The following CNOT10 variants were observed in gnomAD, a reference collection of about 807,000 sequenced individuals.
CNOT10 encodes the protein CCR4-NOT transcription complex, subunit 10.
A neutral mutation model predicts 94.6 loss-of-function variants in CNOT10; 30 were observed. The ratio of observed to expected loss-of-function variants is 0.32; its 90% confidence interval spans 0.24 to 0.43. The LOEUF (loss-of-function observed/expected upper bound fraction) is 0.43, where lower values mean the gene tolerates loss of function less well. Among genes scored for constraint, CNOT10 ranks in the 20% least tolerant of loss-of-function variants. The probability of loss-of-function intolerance (pLI) is 1.00; values close to 1 mark genes in which losing one functional copy is unlikely to be tolerated. For synonymous variants in CNOT10, 289 were observed against 301.6 expected (o/e 0.96, Z 0.43); for missense variants, 759 against 877.2 (o/e 0.87, Z 1.70).
intron 13 of CNOT10, among the ~76,000 whole-genome samples, chr3:32,745,956 C>A (rs1010621876): frequency 6.6e-6 from 1 of 152,210 alleles, no homozygotes; most frequent in Non-Finnish European, 1.5e-5. Flanking sequence ...TGCACCAATG[C>A]ACTCCAACCT....
At chr3:32,760,559 G>A (rs1575305127) in intron 14 of CNOT10, among the ~76,000 whole-genome samples, 1 of 152,140 alleles carries the variant, frequency 6.6e-6, no homozygotes, top group South Asian at 2.1e-4. Context: ...TTGAGCCTGG[G>A]GGGCGGACGT....
At chr3:32,762,120 G>T (rs1005904473) in intron 14 of CNOT10, among the ~76,000 whole-genome samples, 1 of 146,748 alleles carries the variant, frequency 6.8e-6, no homozygotes, top group East Asian at 2.1e-4. Context: ...TGTTGTTCTT[G>T]TGTAGAAAGT....
chr3:32,692,992 C>T (rs915266592), intron 1 of CNOT10, among the ~76,000 whole-genome samples: 3 of 152,066 alleles, frequency 2.0e-5, no homozygotes, highest in African/African-American at 4.8e-5. Context: ...TACAGTGAGC[C>T]GTGATCACAG....
chr3:32,728,286 T>C (rs1377207625), intron 10 of CNOT10, among the ~76,000 whole-genome samples: 1 of 152,068 alleles, frequency 6.6e-6, no homozygotes, highest in Non-Finnish European at 1.5e-5. Context: ...GTGAAATGTA[T>C]AGTCTTCTCT....
intron 13 of CNOT10, among the ~76,000 whole-genome samples, chr3:32,752,009 A>G (rs535556615): frequency 6.6e-6 from 1 of 152,288 alleles, no homozygotes; most frequent in South Asian, 2.1e-4. Context: ...ATAATTCTTC[A>G]GGCCAGGTGG....
At chr3:32,729,113 A>G (rs1364956304) in intron 10 of CNOT10, among the ~76,000 whole-genome samples, 1 of 152,192 alleles carries the variant, frequency 6.6e-6, no homozygotes, top group African/African-American at 2.4e-5. Flanking sequence ...TTCTGATAAC[A>G]TAATGTGGAA....
chr3:32,767,506 C>T (rs982703488), intron 17 of CNOT10, among the ~76,000 whole-genome samples: 11 of 98,860 alleles, frequency 1.1e-4, no homozygotes, highest in East Asian at 6.3e-4. Context: ...GCAACAAGAG[C>T]GAAACTCTGT....
intron 9 of CNOT10, among the ~76,000 whole-genome samples, chr3:32,727,418 G>A (rs752850947): frequency 3.3e-5 from 5 of 152,150 alleles, no homozygotes; most frequent in Admixed American, 6.5e-5. Flanking sequence ...TTCCTGGAAC[G>A]TTGTTGCCTG....
intron 11 of CNOT10, among the ~76,000 whole-genome samples, chr3:32,734,464 C>T (rs909243751): frequency 9.2e-5 from 14 of 152,210 alleles, no homozygotes; most frequent in Non-Finnish European, 2.1e-4. Flanking sequence ...TAGTATACCT[C>T]TCCTTGCCCT....
chr3:32,769,753 C>A (rs1700813938), intron 17 of CNOT10, 134 bp from the exon 18 acceptor site: 3 of 682,130 alleles, frequency 4.4e-6, no homozygotes, highest in Non-Finnish European at 8.0e-6. Context: ...CAGAGCAGAA[C>A]AACAGGTAGT....
At chr3:32,753,544 A>G (rs1197567462) in intron 13 of CNOT10, 4 of 1,583,554 alleles carry the variant, frequency 2.5e-6, no homozygotes, top group Non-Finnish European at 3.5e-6. Flanking sequence ...AATTAAACTG[A>G]AAAAGCCAGA....
At chr3:32,713,487 C>G (rs1697977941) in intron 5 of CNOT10, 118 bp downstream of exon 5, 1 of 738,252 alleles carries the variant, frequency 1.4e-6, no homozygotes, top group Non-Finnish European at 2.1e-6. Context: ...TGGTTATGAA[C>G]TATTAACAGC....
chr3:32,759,576 G>A lies in CNOT10; in HGVS notation c.1709+5G>A. The A allele has an allele frequency of 6.3e-7, 1 of 1,597,100 alleles. No individual in the cohort carries two copies. The highest frequency in any genetic ancestry group is 8.6e-7 in the Non-Finnish European group (1 of 1,164,764). ...CAAGCTGTCAGGATCTCTTAAGTAA[G>A]TGTGACTTGCCCTGTGTGTCCCTGG... On this transcript the variant is annotated splice_donor_5th_base_variant and intron_variant, in intron 14 of 18. Transcript: ENST00000328834.
intron 18 of CNOT10, among the ~76,000 whole-genome samples, chr3:32,772,547 A>G (rs1700959367): frequency 6.6e-6 from 1 of 151,750 alleles, no homozygotes; most frequent in Non-Finnish European, 1.5e-5. Context: ...AAAATTTTAA[A>G]AAGGCTGGGC....
At chr3:32,704,431 A>T in intron 2 of CNOT10, among the ~76,000 whole-genome samples, 1 of 152,192 alleles carries the variant, frequency 6.6e-6, no homozygotes, top group East Asian at 1.9e-4. Context: ...ACGTGCATGT[A>T]AGCAGAAGAA....
intron 4 of CNOT10, 97 bp from the exon 5 acceptor site, chr3:32,713,130 G>A (rs1697962777): frequency 1.1e-6 from 1 of 934,380 alleles, no homozygotes; most frequent in South Asian, 2.0e-5. Flanking sequence ...CTTATGCTTT[G>A]CTATTTAAAG....
chr3:32,695,818 ACT>A (rs1697024886), intron 1 of CNOT10: 2 of 1,535,544 alleles, frequency 1.3e-6, no homozygotes, highest in Admixed American at 2.0e-5. Flanking sequence ...TTATGTGCAG[ACT>A]CTGTCTGGTA....
At chr3:32,772,116 C>T (rs753215760) in intron 18 of CNOT10, among the ~76,000 whole-genome samples, 2 of 152,058 alleles carry the variant, frequency 1.3e-5, no homozygotes, top group Non-Finnish European at 2.9e-5. Flanking sequence ...TTTGGGAGGC[C>T]GAGGCGGGCA....
rs974101607 is a variant in CNOT10, at chr3:32,737,474, G to A, written c.1579G>A (p.Glu527Lys). The change falls in exon 13 of 19, where the codon GAA becomes AAA. Residue 527 changes from glutamate to lysine, a missense_variant. Transcript: ENST00000328834. ...APPSSPLRKQ[E>K]LENLKCSILA... is the part of the protein sequence containing the mutation. ...ACCTTCTTCTCCATTGAGAAAACAG[G>A]AATTAGAAAACTTAAAGTGAGTATC... 1 of 1,608,188 alleles carries A rather than the reference G, an allele frequency of 6.2e-7. No individual in the cohort carries two copies. Among genetic ancestry groups the A allele is most frequent in the Non-Finnish European group, 8.5e-7 (1 of 1,175,470 alleles).
Sources: allele counts gnomAD v4.1 joint callset (sites outside exome capture counted in the v4.1 genomes callset), GRCh38; gene constraint gnomAD v4.1.1; transcripts MANE v1.5; gene names NCBI Gene and HGNC (gene_info 2026-07-23, HGNC 2026-07-21).